The following CUEDC1 variants were observed in gnomAD, a reference collection of about 807,000 sequenced individuals.
CUEDC1 encodes CUE domain-containing protein 1.
In CUEDC1, 30 loss-of-function variants were observed where a neutral mutation model predicts 43.7. The observed-to-expected ratio is 0.69, with a 90% CI of 0.51 to 0.93. The LOEUF is 0.93. Among genes scored for constraint, CUEDC1 ranks in the 40% least tolerant of loss-of-function variants. The pLI, the probability that CUEDC1 is intolerant of heterozygous loss-of-function variation, is 0.00. For missense variants in CUEDC1, 486 were observed against 549.0 expected, an observed-to-expected ratio of 0.89 and a Z score of 1.15; for synonymous variants, 223 against 223.6, an observed-to-expected ratio of 1.00 and a Z score of 0.02.
intron 1 of CUEDC1, among the ~76,000 whole-genome samples, chr17:57,894,069 G>A (rs1438870256): frequency 1.3e-5 from 2 of 151,892 alleles, no homozygotes; most frequent in African/African-American, 4.8e-5. Context: ...CTCCAGCCTG[G>A]GTGACAGAGC....
Position 57,879,731 on chromosome 17 carries a change from T to C in CUEDC1, c.344A>G (p.Glu115Gly). 1 of 1,597,892 alleles carries C rather than the reference T, an allele frequency of 6.3e-7. No individual in the cohort carries two copies. The highest frequency in any genetic ancestry group is 8.5e-7 in the Non-Finnish European group (1 of 1,174,264). The change falls in exon 3 of 11, where the codon GAA becomes GGA. Residue 115 changes from glutamate to glycine, a missense_variant. Physicochemically the swap from Glu to Gly is moderately conservative, Grantham distance 98. Transcript: ENST00000577830. Reference sequence around the variant, plus strand: ...CGAGCTATCAGGTTCCAAAGTCCTTTCCAAGATCTAAATCAGAGGCAACAG... The same window carrying C: ...CGAGCTATCAGGTTCCAAAGTCCTTCCCAAGATCTAAATCAGAGGCAACAG... ...SEDSIPPEIL[E>G]RTLEPDSSDE...
At chr17:57,912,661 A>C (rs1167415759) in intron 1 of CUEDC1, among the ~76,000 whole-genome samples, 1 of 152,238 alleles carries the variant, frequency 6.6e-6, no homozygotes, top group Non-Finnish European at 1.5e-5. Context: ...GTTTGGAAGA[A>C]TAAAGGGAGA....
intron 1 of CUEDC1, among the ~76,000 whole-genome samples, chr17:57,953,935 C>G (rs867524483): frequency 1.3e-5 from 2 of 152,150 alleles, no homozygotes; most frequent in East Asian, 1.9e-4. Flanking sequence ...CCCAGCAGCA[C>G]CTCTCCATCC....
At chr17:57,899,342 G>A (rs898084091) in intron 1 of CUEDC1, among the ~76,000 whole-genome samples, 2 of 152,108 alleles carry the variant, frequency 1.3e-5, no homozygotes, top group African/African-American at 4.8e-5. Flanking sequence ...CACAGTCAGG[G>A]GCGCCCAGAG....
intron 1 of CUEDC1, among the ~76,000 whole-genome samples, chr17:57,891,702 C>A (rs916534473): frequency 3.9e-5 from 6 of 152,204 alleles, no homozygotes; most frequent in African/African-American, 1.4e-4. Flanking sequence ...ACACTCCCAC[C>A]CAGGGGCCTC....
intron 1 of CUEDC1, among the ~76,000 whole-genome samples, chr17:57,896,488 G>GGGGC (rs1555660567): frequency 2.8e-5 from 1 of 36,026 alleles, no homozygotes; most frequent in African/African-American, 4.9e-5. Context: ...GCATTATGGG[G>GGGGC]TGTGTGTGTG....
intron 1 of CUEDC1, among the ~76,000 whole-genome samples, chr17:57,894,318 CT>C (rs1398493297): frequency 1.3e-5 from 2 of 152,196 alleles, no homozygotes; most frequent in Admixed American, 6.5e-5. Context: ...ACCCCCACCC[CT>C]ATCACTTAGA....
At chr17:57,921,527 T>G (rs2074698177) in intron 1 of CUEDC1, among the ~76,000 whole-genome samples, 2 of 152,230 alleles carry the variant, frequency 1.3e-5, no homozygotes, top group South Asian at 4.1e-4. Flanking sequence ...GAAGTTAGGC[T>G]TGGACGTGGT....
intron 1 of CUEDC1, among the ~76,000 whole-genome samples, chr17:57,918,186 G>C (rs1354968308): frequency 6.6e-6 from 1 of 152,224 alleles, no homozygotes; most frequent in Non-Finnish European, 1.5e-5. Context: ...CTTCCCACCA[G>C]AGTACATGTG....
Position 57,866,624 on chromosome 17 carries a change from G to A in CUEDC1, c.1094-80C>T. The A allele has an allele frequency of 3.5e-6, 5 of 1,414,328 alleles. No individual in the cohort carries two copies. The East Asian group carries it at 1.1e-4, about 32-fold the overall frequency. The allele number at this position is 1,414,328 out of a possible 1,614,324, so 87.6% of individuals were successfully genotyped here. The stretch of plus-strand genomic sequence containing the variant: ...CACGGCCCCTAGACTGGGCAAGAGA[G>A]CTGACCCGACTCTCTCTGCCCCCTT... On this transcript the variant is annotated intron_variant, in intron 9 of 10. Transcript: ENST00000577830.
At chr17:57,912,434 C>G (rs2074593942) in intron 1 of CUEDC1, 1 of 152,154 alleles carries the variant, frequency 6.6e-6, no homozygotes, top group Non-Finnish European at 1.5e-5. Flanking sequence ...GACTCCTGTC[C>G]CATTTCTTCA....
intron 1 of CUEDC1, among the ~76,000 whole-genome samples, chr17:57,906,920 G>A (rs954708563): frequency 1.3e-5 from 2 of 149,010 alleles, no homozygotes; most frequent in Non-Finnish European, 3.0e-5. Context: ...GTGATGAGCC[G>A]AGATCATGCC....
chr17:57,920,622 T>TTTTTCTTTTC (rs199910073), intron 1 of CUEDC1, among the ~76,000 whole-genome samples: 6,163 of 135,028 alleles, frequency 0.046, 210 homozygotes, highest in African/African-American at 0.067. Context: ...CTGAATTTTC[T>TTTTTCTTTTC]TTTTCTTTTC....
chr17:57,913,880 T>C (rs2143072901), intron 1 of CUEDC1, among the ~76,000 whole-genome samples: 1 of 152,282 alleles, frequency 6.6e-6, no homozygotes, highest in East Asian at 1.9e-4. Flanking sequence ...CCTGGCCAAC[T>C]GCAACTCTTT....
chr17:57,942,426 TCG>T (rs1196768059), intron 1 of CUEDC1, among the ~76,000 whole-genome samples: 1 of 152,076 alleles, frequency 6.6e-6, no homozygotes, highest in Non-Finnish European at 1.5e-5. Context: ...TCTCGCTCTG[TCG>T]CCCAGGCTGG....
chr17:57,939,263 G>A (rs974538885), intron 1 of CUEDC1, among the ~76,000 whole-genome samples: 58 of 151,568 alleles, frequency 3.8e-4, no homozygotes, highest in Non-Finnish European at 3.5e-4. Context: ...CACCATGCCC[G>A]GTCTAGCTTT....
At chr17:57,914,536 T>G (rs559251953) in intron 1 of CUEDC1, among the ~76,000 whole-genome samples, 1 of 152,262 alleles carries the variant, frequency 6.6e-6, no homozygotes, top group East Asian at 1.9e-4. Flanking sequence ...CCAGGGATCC[T>G]GTTGCATCCA....
chr17:57,930,050 G>A lies in CUEDC1; in HGVS notation c.-316+25175C>T, dbSNP rs1439925965. 1.3e-5 allele frequency among the ~76,000 whole-genome samples: 2 copies of A among 152,214 alleles called. No homozygotes were observed. The highest frequency in any genetic ancestry group is 4.8e-5 in the African/African-American group (2 of 41,530). On this transcript the variant is annotated intron_variant, in intron 1 of 10. Transcript: ENST00000577830. The surrounding 1 kb of genome is among the most constrained non-coding windows in gnomAD (Gnocchi z 4.2). ...ACTCCTGCCCTCAGGTGATCCACCC[G>A]CCTCGGCCTCCCAAAGTGCTGGGAT...
rs556691089 is a variant in CUEDC1 at position 57,908,831 on chromosome 17, A to G, written c.-315-22952T>C. 5.3e-5 allele frequency among the ~76,000 whole-genome samples: 8 copies of G among 152,156 alleles called. No individual in the cohort carries two copies. The South Asian group carries it at 1.0e-3, about 20-fold the overall frequency. On this transcript the variant is annotated intron_variant, in intron 1 of 10. Coordinates refer to ENST00000577830, the MANE Select transcript of CUEDC1 (RefSeq NM_001271875.2). ...GCTAACACAGTGAAACCCCGTCTCT[A>G]CTAAAAATAGAAAAAATCAACTGGG...
Sources: allele counts gnomAD v4.1 joint callset (sites outside exome capture counted in the v4.1 genomes callset), GRCh38; gene constraint gnomAD v4.1.1; non-coding constraint Gnocchi (gnomAD v3.1); transcripts MANE v1.5; gene names NCBI Gene and HGNC (gene_info 2026-07-23, HGNC 2026-07-21).